STUM: variants seen among roughly 807,000 people sequenced by gnomAD.
STUM encodes the protein stum, mechanosensory transduction mediator homolog.
STUM carries 8 observed loss-of-function variants against 15.3 expected under a neutral mutation model. That is an observed-to-expected ratio of 0.52 (90% confidence interval 0.31 to 0.94). The LOEUF (loss-of-function observed/expected upper bound fraction) is 0.94. STUM is among the 40% of genes least tolerant of loss of function. The pLI is 0.05. For synonymous variants in STUM, 78 were observed against 88.7 expected (o/e 0.88, Z 0.68); for missense variants, 142 against 204.9 (o/e 0.69, Z 1.87).
chr1:226,587,563 C>A (rs1053454985), intron 1 of STUM, among the ~76,000 whole-genome samples: 16 of 152,130 alleles, frequency 1.1e-4, no homozygotes, highest in African/African-American at 3.9e-4. Flanking sequence ...ACAATCCCAA[C>A]GCATTTGCCG....
In STUM at chr1:226,609,130, T is replaced by A. The variant is rs1023764993; in HGVS notation, c.*7090T>A. 2.0e-5 allele frequency: 3 copies of A among 152,236 alleles called. No homozygotes were observed. Among genetic ancestry groups the A allele is most frequent in the Non-Finnish European group, 4.4e-5 (3 of 68,046 alleles). The allele number at this position is 152,236 out of a possible 1,614,324, so 9.4% of individuals were successfully genotyped here. ...CTTTGGCATTCCAAGTTTGTGTTTTTTTAAATCCTTGGAAATACGGCTTTG... is the reference window on the plus strand; with the variant it reads ...CTTTGGCATTCCAAGTTTGTGTTTTATTAAATCCTTGGAAATACGGCTTTG... On this transcript the variant is annotated 3_prime_UTR_variant, in exon 4 of 4. Coordinates refer to ENST00000366788, the MANE Select transcript of STUM (RefSeq NM_001003665.4).
At chr1:226,575,441 G>A (rs970350172) in intron 1 of STUM, among the ~76,000 whole-genome samples, 5 of 152,238 alleles carry the variant, frequency 3.3e-5, no homozygotes, top group African/African-American at 9.6e-5. Flanking sequence ...AATCCCTGCC[G>A]GCAGGCACCC....
intron 1 of STUM, among the ~76,000 whole-genome samples, chr1:226,555,247 G>A (rs1169995524): frequency 1.3e-5 from 2 of 152,136 alleles, no homozygotes; most frequent in Non-Finnish European, 1.5e-5. Flanking sequence ...CAGCCTCTGG[G>A]CTTTCAATCG....
intron 1 of STUM, among the ~76,000 whole-genome samples, chr1:226,566,220 A>G (rs2102691708): frequency 6.6e-6 from 1 of 152,266 alleles, no homozygotes. Context: ...TCATCAAAAT[A>G]CGCCTATTAT....
chr1:226,566,631 G>A (rs1667630571), intron 1 of STUM, among the ~76,000 whole-genome samples: 1 of 151,986 alleles, frequency 6.6e-6, no homozygotes, highest in Non-Finnish European at 1.5e-5. Context: ...AATTCAAAGT[G>A]CAACCTCTTA....
rs761210115 is a variant in STUM at position 226,548,942 on chromosome 1, CGGCGGCGGCGGT to C, written c.50_61del (p.Val17_Ala20del). 118 of 1,453,582 alleles carry C rather than the reference CGGCGGCGGCGGT, an allele frequency of 8.1e-5. No homozygotes were observed. The highest frequency in any genetic ancestry group is 3.5e-4 in the East Asian group (12 of 33,926). 90.0% of individuals were successfully genotyped at this position (1,453,582 alleles called of 1,614,324 possible). On this transcript the variant is annotated inframe_deletion, in exon 1 of 4. Transcript: ENST00000366788. ...CACAAAGACGCCGAGACGGCGGCGG[CGGCGGCGGCGGT>C]GGCGGCGGCGGACCCCCGGGGGGCG...
intron 1 of STUM, among the ~76,000 whole-genome samples, chr1:226,577,519 ACT>A (rs1491226147): frequency 1.4e-5 from 2 of 140,588 alleles, no homozygotes; most frequent in Non-Finnish European, 3.1e-5. Context: ...ACACACACAC[ACT>A]CACACACTCA....
rs1209547655 is a variant in STUM at position 226,567,724 on chromosome 1, C to T, written c.202+18618C>T. ...GCATTTAAAAGTGGAAGCGTGCCAG[C>T]GTGAGATGGATGATTCTGCCGAGGG... On this transcript the variant is annotated intron_variant, in intron 1 of 3. Transcript: ENST00000366788. The surrounding 1 kb of genome is among the most constrained non-coding windows in gnomAD (Gnocchi z 4.5). 6.6e-6 allele frequency among the ~76,000 whole-genome samples: 1 copy of T among 152,086 alleles called. No homozygotes were observed. Among genetic ancestry groups the T allele is most frequent in the Non-Finnish European group, 1.5e-5 (1 of 68,004 alleles).
chr1:226,551,148 A>G (rs1272613729), intron 1 of STUM, among the ~76,000 whole-genome samples: 2 of 151,806 alleles, frequency 1.3e-5, no homozygotes, highest in African/African-American at 2.4e-5. Context: ...TCCTCTCCAC[A>G]CGGAATGAGG....
chr1:226,598,782 A>C (rs1355672162), intron 2 of STUM, among the ~76,000 whole-genome samples: 2 of 152,228 alleles, frequency 1.3e-5, no homozygotes, highest in African/African-American at 2.4e-5. Flanking sequence ...GGTCAGCGTC[A>C]GCCCCTTGGT....
At chr1:226,558,493 G>A (rs534101573) in intron 1 of STUM, among the ~76,000 whole-genome samples, 22 of 152,250 alleles carry the variant, frequency 1.4e-4, no homozygotes, top group Non-Finnish European at 2.8e-4. Flanking sequence ...CCTCCCACAC[G>A]TGACGTGCTG....
rs977722591 is a variant in STUM, at chr1:226,607,368, G to A, written c.*5328G>A. The A allele has an allele frequency of 2.6e-5, 4 of 152,242 alleles. No homozygotes were observed. The highest frequency in any genetic ancestry group is 9.7e-5 in the African/African-American group (4 of 41,444). The allele number at this position is 152,242 out of a possible 1,614,324, so 9.4% of individuals were successfully genotyped here. A position where few individuals can be genotyped will look rare whatever the true frequency, so the allele number is the denominator to read the frequency against. On this transcript the variant is annotated 3_prime_UTR_variant, in exon 4 of 4. Coordinates refer to ENST00000366788, the MANE Select transcript of STUM (RefSeq NM_001003665.4). ...ATTCTTCCCCAAACGTTCCCTTGTG[G>A]CCCAAGAGTGAGTTCCGGCCTGAGT...
In STUM at chr1:226,603,667, C is replaced by A. The variant is rs1034567934; in HGVS notation, c.*1627C>A. The A allele has an allele frequency of 1.3e-5, 2 of 152,282 alleles. No individual in the cohort carries two copies. Among genetic ancestry groups the A allele is most frequent in the African/African-American group, 4.8e-5 (2 of 41,464 alleles). The allele number at this position is 152,282 out of a possible 1,614,324, so 9.4% of individuals were successfully genotyped here. ...GGTTTCAGCCCACCTACCCCATCCA[C>A]CGGGCTTTCTAATCACAGTCCTGCC... On this transcript the variant is annotated 3_prime_UTR_variant, in exon 4 of 4. Coordinates refer to ENST00000366788, the MANE Select transcript of STUM (RefSeq NM_001003665.4).
intron 1 of STUM, among the ~76,000 whole-genome samples, chr1:226,571,194 G>A (rs1209253433): frequency 7.9e-5 from 12 of 152,106 alleles, no homozygotes; most frequent in East Asian, 1.9e-4. Context: ...TCACATCACC[G>A]TCCTCCAGCC....
chr1:226,557,125 T>C (rs571160759), intron 1 of STUM, among the ~76,000 whole-genome samples: 1 of 152,288 alleles, frequency 6.6e-6, no homozygotes, highest in Non-Finnish European at 1.5e-5. Flanking sequence ...GACCACCATC[T>C]CTCCATTTCC....
chr1:226,564,438 A>T (rs570848811), intron 1 of STUM, among the ~76,000 whole-genome samples: 164 of 152,210 alleles, frequency 1.1e-3, no homozygotes, highest in African/African-American at 3.8e-3. Flanking sequence ...TCCCAGCATC[A>T]TGGGAGCGGA....
At position 226,568,720 on chromosome 1, in the gene STUM, C is replaced by A. The variant is rs367903571; in HGVS notation, c.202+19614C>A. 2.9e-4 allele frequency among the ~76,000 whole-genome samples: 44 copies of A among 152,362 alleles called. No homozygotes were observed. The East Asian group carries it at 7.7e-3, about 27-fold the overall frequency. The stretch of plus-strand genomic sequence containing the variant: ...GGAGGAGCAGGCATGTCCCTTGTCC[C>A]TTGACTTTGGCTTTGAAAGGAGGCC... On this transcript the variant is annotated intron_variant, in intron 1 of 3. Coordinates refer to ENST00000366788, the MANE Select transcript of STUM (RefSeq NM_001003665.4).
At chr1:226,592,192 C>T (rs1668097955) in intron 1 of STUM, among the ~76,000 whole-genome samples, 1 of 152,142 alleles carries the variant, frequency 6.6e-6, no homozygotes. Flanking sequence ...GGACTACAGG[C>T]GTGCACCACC....
At chr1:226,590,590 T>C (rs1668069446) in intron 1 of STUM, among the ~76,000 whole-genome samples, 1 of 152,204 alleles carries the variant, frequency 6.6e-6, no homozygotes, top group South Asian at 2.1e-4. Context: ...CCTCATTCAC[T>C]TCCAACCACT....
Sources: gnomAD v4.1 joint callset for allele counts (sites outside exome capture counted in the v4.1 genomes callset) on GRCh38, gnomAD v4.1.1 for gene constraint, Gnocchi (gnomAD v3.1) non-coding constraint, MANE v1.5 for transcripts, NCBI Gene and HGNC (gene_info 2026-07-23, HGNC 2026-07-21) for gene names.